Variants in NUAK1 observed in about 807,000 individuals in gnomAD.
NUAK1 encodes NUAK family SNF1-like kinase 1.
Under a neutral mutation model 56.9 loss-of-function variants are expected in NUAK1, and 26 were observed. The ratio of observed to expected loss-of-function variants is 0.46; its 90% confidence interval spans 0.33 to 0.63. NUAK1 has a LOEUF of 0.63. NUAK1 is among the 30% of genes least tolerant of loss of function. The probability of loss-of-function intolerance (pLI) is 0.02; values close to 1 mark genes in which losing one functional copy is unlikely to be tolerated. For missense variants in NUAK1, 727 were observed against 876.1 expected, an observed-to-expected ratio of 0.83 and a Z score of 2.15; for synonymous variants, 337 against 336.0, an observed-to-expected ratio of 1.00 and a Z score of -0.03.
At chr12:106,120,661 C>T (rs1192339315) in intron 1 of NUAK1, among the ~76,000 whole-genome samples, 1 of 152,094 alleles carries the variant, frequency 6.6e-6, no homozygotes, top group Non-Finnish European at 1.5e-5. Flanking sequence ...GAATTATTTC[C>T]CTGAAATAAA....
intron 4 of NUAK1, among the ~76,000 whole-genome samples, chr12:106,075,342 A>G (rs1407512899): frequency 7.2e-6 from 1 of 138,200 alleles, no homozygotes; most frequent in African/African-American, 2.7e-5. Flanking sequence ...GAGCGTTCTC[A>G]GATCTTGAGC....
rs548950073 is a variant in NUAK1, at chr12:106,090,841, G to A, written c.362-3956C>T. The stretch of plus-strand genomic sequence containing the variant: ...AGACTTTCCTCTCCCTGCTGGCATC[G>A]CTCTTTAAAACATGTTGTGGCTGCC... On this transcript the variant is annotated intron_variant, in intron 2 of 6. Coordinates refer to ENST00000261402, the MANE Select transcript of NUAK1 (RefSeq NM_014840.3). 3.9e-5 allele frequency among the ~76,000 whole-genome samples: 6 copies of A among 152,244 alleles called. No individual in the cohort carries two copies. In the South Asian group the frequency reaches 6.2e-4, roughly 16 times the overall value.
At chr12:106,128,869 G>A (rs1047020684) in intron 1 of NUAK1, among the ~76,000 whole-genome samples, 1 of 152,172 alleles carries the variant, frequency 6.6e-6, no homozygotes, top group Non-Finnish European at 1.5e-5. Context: ...AAATTTAAAA[G>A]GCAAATCATG....
At chr12:106,072,590 C>T (rs2032417121) in intron 5 of NUAK1, 134 bp downstream of exon 5, 3 of 981,350 alleles carry the variant, frequency 3.1e-6, no homozygotes, top group South Asian at 1.8e-5. Context: ...CTTTTATAAT[C>T]GTATAAGGAA....
At chr12:106,086,709 A>G (rs925366274) in intron 3 of NUAK1, 25 bp downstream of exon 3, 1 of 1,589,048 alleles carries the variant, frequency 6.3e-7, no homozygotes, top group Non-Finnish European at 8.6e-7. Flanking sequence ...CTACGGCCAA[A>G]GCTGCGGGCC....
At chr12:106,084,523 T>C (rs552462144) in intron 3 of NUAK1, among the ~76,000 whole-genome samples, 2 of 152,212 alleles carry the variant, frequency 1.3e-5, no homozygotes, top group Non-Finnish European at 2.9e-5. Flanking sequence ...GGGTGAAAGA[T>C]GAAGCATGAG....
At chr12:106,114,077 T>G (rs936433458) in intron 1 of NUAK1, among the ~76,000 whole-genome samples, 2 of 152,208 alleles carry the variant, frequency 1.3e-5, no homozygotes, top group Non-Finnish European at 1.5e-5. Context: ...AATTCTAAAG[T>G]GCAACTGTTT....
rs776413467 is a variant in NUAK1, at chr12:106,072,852, A to G, written c.580-9T>C. The G allele has an allele frequency of 6.2e-7, 1 of 1,613,892 alleles. No homozygotes were observed. Among genetic ancestry groups the G allele is most frequent in the South Asian group, 1.1e-5 (1 of 91,070 alleles). Reference sequence around the variant, plus strand: ...AGCCCAAAGTCAGCAATCTACAAAGAGAAGCAAGACCCAGGGAGACTTGTT... The same window carrying G: ...AGCCCAAAGTCAGCAATCTACAAAGGGAAGCAAGACCCAGGGAGACTTGTT... On this transcript the variant is annotated splice_polypyrimidine_tract_variant and intron_variant, in intron 4 of 6. Transcript: ENST00000261402.
rs1456654182 is a variant in NUAK1, at chr12:106,084,071, C to T, written c.514-142G>A. 4 of 684,000 alleles carry T rather than the reference C, an allele frequency of 5.8e-6. No homozygotes were observed. In the African/African-American group the frequency reaches 7.1e-5, roughly 12 times the overall value. The allele number at this position is 684,000 out of a possible 1,614,324, so 42.4% of individuals were successfully genotyped here. On this transcript the variant is annotated intron_variant, in intron 3 of 6. Transcript: ENST00000261402. Reference sequence around the variant, plus strand: ...CAGCCCGGTGGTCTTCACCTCCATCCTTCAGGCTGCTCTCACTGTCTTGAC... The same window carrying T: ...CAGCCCGGTGGTCTTCACCTCCATCTTTCAGGCTGCTCTCACTGTCTTGAC...
intron 4 of NUAK1, 80 bp downstream of exon 4, chr12:106,083,784 T>A: frequency 8.0e-7 from 1 of 1,244,408 alleles, no homozygotes; most frequent in South Asian, 1.2e-5. Flanking sequence ...ATTTCCAGGC[T>A]GCGGCTTGGA....
At chr12:106,102,218 C>T (rs1424896970) in intron 2 of NUAK1, among the ~76,000 whole-genome samples, 1 of 152,216 alleles carries the variant, frequency 6.6e-6, no homozygotes, top group East Asian at 1.9e-4. Context: ...CTTGGAGGCA[C>T]TGGATTCTCG....
intron 4 of NUAK1, among the ~76,000 whole-genome samples, chr12:106,081,254 T>TA (rs5800700): frequency 0.36 from 54,623 of 152,128 alleles, 10,970 homozygotes; most frequent in East Asian, 0.91. Flanking sequence ...CATTATCCTC[T>TA]AGACTTTCTG....
Position 106,067,592 on chromosome 12 carries a change from C to T in NUAK1, c.1196G>A (p.Gly399Glu). 1 of 1,614,204 alleles carries T rather than the reference C, an allele frequency of 6.2e-7. No homozygotes were observed. The highest frequency in any genetic ancestry group is 8.5e-7 in the Non-Finnish European group (1 of 1,180,036). ...PSKLSSKRPK[G>E]ILKKRSNSEH... ...GCTGTTGCTTCGCTTCTTCAGGATCCCCTTGGGCCTCTTAGAACTCAACTT... is the reference window on the plus strand; with the variant it reads ...GCTGTTGCTTCGCTTCTTCAGGATCTCCTTGGGCCTCTTAGAACTCAACTT... Residue 399 changes from glycine to glutamate, a missense_variant, in exon 7 of 7, where the codon GGG (glycine) becomes GAG (glutamate). Physicochemically the swap from Gly to Glu is moderately conservative, Grantham distance 98 (BLOSUM62 -2). Transcript: ENST00000261402. This position sits in a 1 kb window ranked among gnomAD's most constrained non-coding sequence, Gnocchi z 6.0.
chr12:106,066,876 A>C lies in NUAK1; in HGVS notation c.1912T>G (p.Ser638Ala), dbSNP rs746637932. The C allele has an allele frequency of 1.2e-6, 2 of 1,614,042 alleles. No individual in the cohort carries two copies. The highest frequency in any genetic ancestry group is 1.7e-6 in the Non-Finnish European group (2 of 1,180,038). ...YRNRLADSSF[S>A]LLTDMDDVTQ... ...ACATCATCCATGTCTGTGAGGAGGG[A>C]GAAGCTGCTGTCTGCCAGCCGGTTC... The change falls in exon 7 of 7, where the codon TCC (serine) becomes GCC (alanine). Residue 638 changes from serine to alanine, a missense_variant. Transcript: ENST00000261402.
intron 4 of NUAK1, among the ~76,000 whole-genome samples, chr12:106,075,040 C>T (rs921078640): frequency 6.6e-6 from 1 of 152,142 alleles, no homozygotes; most frequent in Non-Finnish European, 1.5e-5. Flanking sequence ...AATACACGTG[C>T]GTGTGAGAGG....
chr12:106,107,888 T>A (rs2032818359), intron 1 of NUAK1, among the ~76,000 whole-genome samples: 1 of 152,234 alleles, frequency 6.6e-6, no homozygotes, highest in Admixed American at 6.5e-5. Flanking sequence ...CTGGGATTTC[T>A]CCTTTGCAGT....
chr12:106,116,984 T>G (rs561992127), intron 1 of NUAK1, among the ~76,000 whole-genome samples: 5 of 152,238 alleles, frequency 3.3e-5, no homozygotes, highest in Admixed American at 3.3e-4. Context: ...AAGGCATTGA[T>G]CCAGTCCTAG....
At chr12:106,133,107 T>C (rs530357096) in intron 1 of NUAK1, among the ~76,000 whole-genome samples, 1 of 152,256 alleles carries the variant, frequency 6.6e-6, no homozygotes, top group East Asian at 1.9e-4. Flanking sequence ...GCATCAATTA[T>C]TATTATTACC....
At chr12:106,099,339 C>T (rs1204976149) in intron 2 of NUAK1, among the ~76,000 whole-genome samples, 1 of 152,192 alleles carries the variant, frequency 6.6e-6, no homozygotes, top group Non-Finnish European at 1.5e-5. Context: ...TTAGAAAACA[C>T]TTGACCTATG....
Sources: allele counts gnomAD v4.1 joint callset (sites outside exome capture counted in the v4.1 genomes callset), GRCh38; gene constraint gnomAD v4.1.1; non-coding constraint Gnocchi (gnomAD v3.1); transcripts MANE v1.5; gene names NCBI Gene and HGNC (gene_info 2026-07-23, HGNC 2026-07-21).